The following CCDC73 variants were observed in gnomAD, a reference collection of about 807,000 sequenced individuals.
CCDC73 encodes coiled-coil domain containing 73.
In CCDC73, 95 loss-of-function variants were observed where a neutral mutation model predicts 116.5. That is an observed-to-expected ratio of 0.82 (90% confidence interval 0.69 to 0.97). The LOEUF is 0.97. Among genes scored for constraint, CCDC73 ranks in the 50% least tolerant of loss-of-function variants. The probability of loss-of-function intolerance (pLI) is 0.00; values close to 1 mark genes in which losing one functional copy is unlikely to be tolerated. For synonymous variants in CCDC73, 398 were observed against 401.3 expected, an observed-to-expected ratio of 0.99 and a Z score of 0.10; for missense variants, 1,066 against 1,206.8, an observed-to-expected ratio of 0.88 and a Z score of 1.73.
chr11:32,808,458 G>A, the CCDC73 span, among the ~76,000 whole-genome samples: 1 of 152,164 alleles, frequency 6.6e-6, no homozygotes, highest in Non-Finnish European at 1.5e-5. Flanking sequence ...GGCCAACATG[G>A]TGAAACCCAG....
chr11:32,744,122 T>A (rs1313234012), intron 2 of CCDC73, among the ~76,000 whole-genome samples: 1 of 152,230 alleles, frequency 6.6e-6, no homozygotes, highest in Non-Finnish European at 1.5e-5. Context: ...CATGAAAGGC[T>A]GTTGAATTTT....
chr11:32,714,721 C>G (rs144037581), intron 3 of CCDC73, among the ~76,000 whole-genome samples: 8 of 152,040 alleles, frequency 5.3e-5, no homozygotes, highest in Non-Finnish European at 1.0e-4. Flanking sequence ...AAACAGCTAC[C>G]ATTCAAGAGG....
chr11:32,615,941 A>G lies in CCDC73; in HGVS notation c.1374T>C (p.Asp458=). The change falls in exon 15 of 18, where the codon GAT becomes GAC. Residue 458 remains aspartate (D), a splice_region_variant and synonymous_variant. Transcript: ENST00000335185. The part of the protein sequence containing the change: ...EGSFIEEIII[D]DLQLFEKSFK... ...ATATCAATATAATTTTAAGGTTACC[A>G]TCTATAATTATTTCCTCTATAAATG... is the stretch of plus-strand genomic sequence containing the variant. The G allele has an allele frequency of 1.9e-6, 3 of 1,541,392 alleles. No homozygotes were observed. The highest frequency in any genetic ancestry group is 2.7e-6 in the Non-Finnish European group (3 of 1,128,944).
At chr11:32,789,608 C>CA (rs1403017273) in intron 1 of CCDC73, among the ~76,000 whole-genome samples, 4 of 137,446 alleles carry the variant, frequency 2.9e-5, no homozygotes, top group Admixed American at 7.9e-5. Flanking sequence ...CACATCTCTA[C>CA]AAAAAAACAA....
Position 32,614,536 on chromosome 11 carries a change from A to G in CCDC73, c.1782T>C (p.Asp594=), listed in dbSNP as rs770445443. 1 of 1,613,202 alleles carries G rather than the reference A, an allele frequency of 6.2e-7. No individual in the cohort carries two copies. The highest frequency in any genetic ancestry group is 1.7e-4 in the Middle Eastern group (1 of 6,058). The change falls in exon 16 of 18, where the codon GAT becomes GAC. Residue 594 remains aspartate (D), a synonymous_variant. Transcript: ENST00000335185. The part of the protein sequence containing the change: ...AHNTYHNNNK[D]VSENEPFKQF... ...GTTTGAATGGCTCATTTTCAGAAACATCTTTATTATTATTGTGATATGTAT... is the reference window on the plus strand; with the variant it reads ...GTTTGAATGGCTCATTTTCAGAAACGTCTTTATTATTATTGTGATATGTAT...
intron 12 of CCDC73, among the ~76,000 whole-genome samples, chr11:32,652,833 C>CAA (rs537696083): frequency 2.1e-5 from 3 of 146,298 alleles, no homozygotes; most frequent in Non-Finnish European, 4.5e-5. Flanking sequence ...AATTCTAAGA[C>CAA]AAAAAAAAAA....
rs1173488647 is a variant in CCDC73, at chr11:32,614,094, T to A, written c.2224A>T (p.Ser742Cys). The A allele has an allele frequency of 6.2e-7, 1 of 1,613,594 alleles. No individual in the cohort carries two copies. Among genetic ancestry groups the A allele is most frequent in the Non-Finnish European group, 8.5e-7 (1 of 1,179,898 alleles). Residue 742 changes from serine (S) to cysteine (C), a missense_variant, in exon 16 of 18, where the codon AGC becomes TGC. Coordinates refer to ENST00000335185, the MANE Select transcript of CCDC73 (RefSeq NM_001008391.4). ...SMSMLVKPNS[S>C]PGGKTMCKNM... Reference sequence around the variant, plus strand: ...TTACACATAGTTTTTCCCCCAGGGCTTGAGTTAGGTTTCACCAACATAGAC... The same window carrying A: ...TTACACATAGTTTTTCCCCCAGGGCATGAGTTAGGTTTCACCAACATAGAC...
At chr11:32,674,839 A>G (rs1254885797) in intron 9 of CCDC73, among the ~76,000 whole-genome samples, 1 of 152,228 alleles carries the variant, frequency 6.6e-6, no homozygotes, top group Non-Finnish European at 1.5e-5. Context: ...CAAAACAAAA[A>G]TCTAGATAAG....
chr11:32,688,276 T>C (rs963813642), intron 6 of CCDC73, among the ~76,000 whole-genome samples: 2 of 152,280 alleles, frequency 1.3e-5, no homozygotes, highest in East Asian at 1.9e-4. Flanking sequence ...CTCTGTGATA[T>C]TCCTTCCAGA....
intron 17 of CCDC73, among the ~76,000 whole-genome samples, chr11:32,609,011 T>C (rs1292789379): frequency 4.6e-5 from 7 of 152,160 alleles, no homozygotes; most frequent in African/African-American, 1.4e-4. Flanking sequence ...AAAACCATTT[T>C]TTCCTCATAG....
intron 2 of CCDC73, among the ~76,000 whole-genome samples, chr11:32,756,455 C>A (rs573807075): frequency 1.4e-5 from 2 of 139,578 alleles, no homozygotes; most frequent in African/African-American, 5.3e-5. Context: ...CTATATATAT[C>A]TCTCTATATA....
chr11:32,704,827 G>GCC lies in CCDC73; in HGVS notation c.208-1884_208-1883insGG, dbSNP rs146827009. ...AAAACCCTGGACTCAGCCAGACTCAGACACTCATCTGCACTACCTGCCTGC... is the reference window on the plus strand; with the variant it reads ...AAAACCCTGGACTCAGCCAGACTCAGCCACACTCATCTGCACTACCTGCCTGC... On this transcript the variant is annotated intron_variant, in intron 3 of 17. Transcript: ENST00000335185. Among the ~76,000 whole-genome samples the GCC allele has an allele frequency of 7.1e-3, 1,088 of 152,314 alleles. 16 individuals are homozygous for GCC. Among genetic ancestry groups the GCC allele is most frequent in the African/African-American group, 0.025 (1,049 of 41,558 alleles).
At chr11:32,696,857 G>C (rs1383317324) in intron 6 of CCDC73, among the ~76,000 whole-genome samples, 1 of 150,624 alleles carries the variant, frequency 6.6e-6, no homozygotes, top group African/African-American at 2.5e-5. Context: ...AAAACACAAG[G>C]ATTTTTTTTT....
At chr11:32,610,735 TCA>T (rs1374965500) in intron 17 of CCDC73, among the ~76,000 whole-genome samples, 1 of 152,230 alleles carries the variant, frequency 6.6e-6, no homozygotes, top group Non-Finnish European at 1.5e-5. Flanking sequence ...TCTTTCCATC[TCA>T]GTTTCCAAAA....
intron 9 of CCDC73, among the ~76,000 whole-genome samples, chr11:32,670,603 T>C (rs947140315): frequency 1.3e-5 from 2 of 152,200 alleles, no homozygotes; most frequent in Non-Finnish European, 2.9e-5. Context: ...CAATGTCCTA[T>C]TGATAACAGG....
At chr11:32,629,635 T>C (rs111854897) in intron 14 of CCDC73, among the ~76,000 whole-genome samples, 4,274 of 152,074 alleles carry the variant, frequency 0.028, 183 homozygotes, top group African/African-American at 0.095. Context: ...CCTGACCTCA[T>C]GATCTGCCCG....
chr11:32,806,365 C>T, the CCDC73 span, among the ~76,000 whole-genome samples: 1 of 152,176 alleles, frequency 6.6e-6, no homozygotes, highest in Non-Finnish European at 1.5e-5. Context: ...TCACCCCTAT[C>T]ATCCCGCACT....
rs191398601 is a variant in CCDC73 at position 32,688,732 on chromosome 11, T to C, written c.391-5158A>G. On this transcript the variant is annotated intron_variant, in intron 6 of 17. Transcript: ENST00000335185. ...TAGTTCCAATATCTCTAAAAGTTTA[T>C]GATACTTTCAAAAGAAAAAAACTTA... 3.9e-5 allele frequency among the ~76,000 whole-genome samples: 6 copies of C among 152,322 alleles called. 1 individual carries two copies. The East Asian group carries it at 9.6e-4, about 24-fold the overall frequency.
intron 2 of CCDC73, among the ~76,000 whole-genome samples, chr11:32,735,042 G>A (rs954922540): frequency 9.2e-5 from 14 of 152,158 alleles, no homozygotes; most frequent in African/African-American, 3.4e-4. Flanking sequence ...AGCTATTTAT[G>A]ACAAACCCAC....
Sources: allele counts gnomAD v4.1 joint callset (sites outside exome capture counted in the v4.1 genomes callset), GRCh38; gene constraint gnomAD v4.1.1; transcripts MANE v1.5; gene names NCBI Gene and HGNC (gene_info 2026-07-23, HGNC 2026-07-21).